The following PPP1R9A variants were observed in gnomAD, a reference collection of about 807,000 sequenced individuals.
PPP1R9A encodes the protein neurabin-1.
A neutral mutation model predicts 141.9 loss-of-function variants in PPP1R9A; 59 were observed. That is an observed-to-expected ratio of 0.42 (90% CI 0.34 to 0.52). PPP1R9A has a LOEUF of 0.52. Ranked by LOEUF, PPP1R9A falls within the 20% of genes least tolerant of loss-of-function variation. The pLI is 0.10. For synonymous variants in PPP1R9A, 500 were observed against 569.7 expected, an observed-to-expected ratio of 0.88 and a Z score of 1.74; for missense variants, 1,444 against 1,611.9, an observed-to-expected ratio of 0.90 and a Z score of 1.78.
At chr7:95,131,472 G>A (rs766815293) in intron 4 of PPP1R9A, among the ~76,000 whole-genome samples, 14 of 152,130 alleles carry the variant, frequency 9.2e-5, no homozygotes, top group Non-Finnish European at 1.8e-4. Flanking sequence ...TCTCTATTCT[G>A]TTCCATTGGT....
At chr7:95,112,749 G>C (rs187201741) in intron 3 of PPP1R9A, among the ~76,000 whole-genome samples, 40 of 151,876 alleles carry the variant, frequency 2.6e-4, no homozygotes, top group Non-Finnish European at 4.6e-4. Context: ...CTATAAGAAA[G>C]AATGAAATCA....
chr7:95,153,540 T>G (rs1446970198), intron 4 of PPP1R9A, among the ~76,000 whole-genome samples: 1 of 152,238 alleles, frequency 6.6e-6, no homozygotes, highest in Non-Finnish European at 1.5e-5. Flanking sequence ...TACAAAATTA[T>G]GGAGAAAACA....
At chr7:94,912,366 C>G (rs1329947011) in intron 2 of PPP1R9A, among the ~76,000 whole-genome samples, 1 of 152,176 alleles carries the variant, frequency 6.6e-6, no homozygotes, top group South Asian at 2.1e-4. Flanking sequence ...GTACCAGAAT[C>G]TCCTGGGGTG....
Position 95,044,779 on chromosome 7 carries a change from T to G in PPP1R9A, c.1396-66480T>G, listed in dbSNP as rs1809769234. Among the ~76,000 whole-genome samples, 3 of 150,346 alleles carry G rather than the reference T, an allele frequency of 2.0e-5. No individual in the cohort carries two copies. The Admixed American group carries it at 2.0e-4, about 10-fold the overall frequency. On this transcript the variant is annotated intron_variant, in intron 2 of 19. Transcript: ENST00000433360. ...GAGATGGAGGTGTCTCACTGTGTGG[T>G]CCAACCTGGTCTGGAATGCCTGCGC...
chr7:95,074,864 C>T (rs959069325), intron 2 of PPP1R9A, among the ~76,000 whole-genome samples: 7 of 152,108 alleles, frequency 4.6e-5, no homozygotes, highest in African/African-American at 1.7e-4. Context: ...CTCTCCAATA[C>T]TAAGTATCAC....
intron 2 of PPP1R9A, among the ~76,000 whole-genome samples, chr7:95,083,718 A>G (rs1816238430): frequency 6.6e-6 from 1 of 151,912 alleles, no homozygotes; most frequent in East Asian, 1.9e-4. Context: ...AACAATCTCA[A>G]CCACCTCCAC....
chr7:95,107,206 A>G (rs570483733), intron 2 of PPP1R9A, among the ~76,000 whole-genome samples: 32 of 152,280 alleles, frequency 2.1e-4, no homozygotes, highest in African/African-American at 7.5e-4. Context: ...ATTGGACATT[A>G]GTATTTCTTC....
intron 2 of PPP1R9A, among the ~76,000 whole-genome samples, chr7:95,033,463 G>T (rs1807996740): frequency 6.6e-6 from 1 of 151,960 alleles, no homozygotes; most frequent in South Asian, 2.1e-4. Context: ...GTCTCATTCT[G>T]CACCATGTCT....
intron 2 of PPP1R9A, among the ~76,000 whole-genome samples, chr7:94,913,998 T>C (rs2150620655): frequency 6.6e-6 from 1 of 152,294 alleles, no homozygotes; most frequent in South Asian, 2.1e-4. Flanking sequence ...AGGGATTTGA[T>C]AGATTATTTG....
rs1046761345 is a variant in PPP1R9A at position 95,293,047 on chromosome 7, T to G, written c.*2744T>G. 6.6e-6 allele frequency: 1 copy of G among 152,182 alleles called. No homozygotes were observed. The highest frequency in any genetic ancestry group is 2.4e-5 in the African/African-American group (1 of 41,458). The allele number at this position is 152,182 out of a possible 1,614,324, so 9.4% of individuals were successfully genotyped here. A position where few individuals can be genotyped will look rare whatever the true frequency, so the allele number is the denominator to read the frequency against. ...ACAAAAAGGGAATATCTGGTTGCTA[T>G]GAACTGATTCCCTAAAGGAGAGCTC... On this transcript the variant is annotated 3_prime_UTR_variant, in exon 20 of 20. Transcript: ENST00000433360.
chr7:95,161,517 A>G (rs1224488439), intron 4 of PPP1R9A, among the ~76,000 whole-genome samples: 1 of 152,200 alleles, frequency 6.6e-6, no homozygotes, highest in Non-Finnish European at 1.5e-5. Flanking sequence ...TAGAGATAGT[A>G]TTTGCATATA....
intron 4 of PPP1R9A, among the ~76,000 whole-genome samples, chr7:95,127,878 T>C (rs1823859204): frequency 6.6e-6 from 1 of 152,248 alleles, no homozygotes; most frequent in African/African-American, 2.4e-5. Context: ...TATAGTATTC[T>C]ATGGTGCATA....
chr7:94,938,510 A>G (rs187556415), intron 2 of PPP1R9A, among the ~76,000 whole-genome samples: 25 of 152,220 alleles, frequency 1.6e-4, no homozygotes, highest in African/African-American at 6.0e-4. Context: ...TTACTAGGAA[A>G]AAAGTGTTCC....
At chr7:95,032,734 A>G (rs1807861345) in intron 2 of PPP1R9A, among the ~76,000 whole-genome samples, 1 of 152,182 alleles carries the variant, frequency 6.6e-6, no homozygotes, top group African/African-American at 2.4e-5. Flanking sequence ...TTTTAGTACA[A>G]TTAAGACAGT....
At chr7:95,202,895 TTAAAA>T (rs1246835803) in intron 6 of PPP1R9A, among the ~76,000 whole-genome samples, 5 of 152,094 alleles carry the variant, frequency 3.3e-5, no homozygotes, top group South Asian at 2.1e-4. Context: ...GTCATTGAAA[TTAAAA>T]TAAAGTATTA....
chr7:95,272,566 A>T (rs896717979), intron 14 of PPP1R9A, among the ~76,000 whole-genome samples: 3 of 152,166 alleles, frequency 2.0e-5, no homozygotes, highest in African/African-American at 7.2e-5. Flanking sequence ...TGAGTTGCTT[A>T]TTGTAATCTA....
chr7:95,078,811 A>G (rs955835414), intron 2 of PPP1R9A, among the ~76,000 whole-genome samples: 6 of 151,304 alleles, frequency 4.0e-5, no homozygotes, highest in Non-Finnish European at 8.9e-5. Context: ...TCCTTCGCCC[A>G]CTTTTTGATG....
Position 94,910,109 on chromosome 7 carries a change from T to A in PPP1R9A, c.-5T>A. Reference sequence around the variant, plus strand: ...GAACATTGGCTTTTCACCCCTGAAGTGAAAATGTTGAAAACTGAGTCTTCA... The same window carrying A: ...GAACATTGGCTTTTCACCCCTGAAGAGAAAATGTTGAAAACTGAGTCTTCA... On this transcript the variant is annotated 5_prime_UTR_variant, in exon 2 of 20. The change abolishes the stop of an existing upstream ORF in the 5' untranslated region. Transcript: ENST00000433360. The surrounding 1 kb of genome is among the most constrained non-coding windows in gnomAD (Gnocchi z 4.5). 6.3e-7 allele frequency: 1 copy of A among 1,593,320 alleles called. No individual in the cohort carries two copies. The highest frequency in any genetic ancestry group is 8.5e-7 in the Non-Finnish European group (1 of 1,171,038).
At chr7:94,926,401 A>G (rs1251881340) in intron 2 of PPP1R9A, among the ~76,000 whole-genome samples, 1 of 152,168 alleles carries the variant, frequency 6.6e-6, no homozygotes, top group Admixed American at 6.5e-5. Flanking sequence ...ATTTTGCCTT[A>G]ACTTTATATT....
Sources: allele counts gnomAD v4.1 joint callset (sites outside exome capture counted in the v4.1 genomes callset), GRCh38; gene constraint gnomAD v4.1.1; non-coding constraint Gnocchi (gnomAD v3.1); transcripts MANE v1.5; gene names NCBI Gene and HGNC (gene_info 2026-07-23, HGNC 2026-07-21).